CHRNA2: variants seen among roughly 807,000 people sequenced by gnomAD.
The protein encoded by CHRNA2 is neuronal acetylcholine receptor subunit alpha-2.
A neutral mutation model predicts 45.5 loss-of-function variants in CHRNA2; 40 were observed. That is an observed-to-expected ratio of 0.88 (90% CI 0.68 to 1.15). The LOEUF is 1.15. Among genes scored for constraint, CHRNA2 ranks in the 50% most tolerant of loss-of-function variants. The probability of loss-of-function intolerance (pLI) is 0.00; values close to 1 mark genes in which losing one functional copy is unlikely to be tolerated. For missense variants in CHRNA2, 655 were observed against 701.7 expected, an observed-to-expected ratio of 0.93 and a Z score of 0.75; for synonymous variants, 301 against 296.7, an observed-to-expected ratio of 1.01 and a Z score of -0.15.
chr8:27,476,216 A>G (rs1563327020), intron 1 of CHRNA2, among the ~76,000 whole-genome samples: 1 of 152,212 alleles, frequency 6.6e-6, no homozygotes, highest in Non-Finnish European at 1.5e-5. Context: ...AGGAACAGGG[A>G]ACTGAGTGAG....
In CHRNA2 at chr8:27,471,004, G is replaced by A. The variant is rs1469021939; in HGVS notation, c.55C>T (p.Leu19Phe). The stretch of plus-strand genomic sequence containing the variant: ...CACTCACCTGCTGGGGTCAGAAGGA[G>A]CCACCACAGGCTGAGCTTTGTGAAG... ...LSFTKLSLWWLLLTPAGGEEA... is the reference protein window; with the variant it reads ...LSFTKLSLWWFLLTPAGGEEA... Residue 19 changes from leucine (L) to phenylalanine (F), a missense_variant, in exon 2 of 7, where the codon CTC (leucine) becomes TTC (phenylalanine). Around this residue, in one of 3 missense-constraint regions of CHRNA2, gnomAD observed 323 missense variants for 354.4 expected, o/e 0.91. Transcript: ENST00000407991. 4 of 1,614,118 alleles carry A rather than the reference G, an allele frequency of 2.5e-6. No individual in the cohort carries two copies. In the South Asian group the frequency reaches 4.4e-5, roughly 18 times the overall value.
intron 1 of CHRNA2, among the ~76,000 whole-genome samples, chr8:27,473,728 G>A (rs1305351931): frequency 6.6e-6 from 1 of 151,832 alleles, no homozygotes; most frequent in East Asian, 1.9e-4. Context: ...AAAAATAAAA[G>A]TAAACCACCG....
At chr8:27,474,229 A>G (rs573583638) in intron 1 of CHRNA2, among the ~76,000 whole-genome samples, 7 of 152,122 alleles carry the variant, frequency 4.6e-5, no homozygotes, top group Non-Finnish European at 8.8e-5. Context: ...TTTGATGTGA[A>G]TTTCAATGTG....
At chr8:27,468,039 A>G (rs1345238083) in intron 4 of CHRNA2, among the ~76,000 whole-genome samples, 1 of 152,158 alleles carries the variant, frequency 6.6e-6, no homozygotes, top group Non-Finnish European at 1.5e-5. Context: ...AGGCACCCAC[A>G]CCAAATTGTG....
In CHRNA2 at chr8:27,479,045, A is replaced by G. The variant is rs1586410695; in HGVS notation, c.-358T>C. The G allele has an allele frequency of 6.6e-6, 1 of 152,314 alleles. No homozygotes were observed. The highest frequency in any genetic ancestry group is 1.5e-5 in the Non-Finnish European group (1 of 68,098). The allele number at this position is 152,314 out of a possible 1,614,324, so 9.4% of individuals were successfully genotyped here. A position where few individuals can be genotyped will look rare whatever the true frequency, so the allele number is the denominator to read the frequency against. On this transcript the variant is annotated 5_prime_UTR_variant, in exon 1 of 7. Coordinates refer to ENST00000407991, the MANE Select transcript of CHRNA2 (RefSeq NM_000742.4). ...ATGAGAGGCATTTGGCTTCCCGGGGACAGCTGGGCAAGCTCTGCAGAGAGG... is the reference window on the plus strand; with the variant it reads ...ATGAGAGGCATTTGGCTTCCCGGGGGCAGCTGGGCAAGCTCTGCAGAGAGG...
chr8:27,468,566 C>T (rs926600349), intron 4 of CHRNA2, among the ~76,000 whole-genome samples: 1 of 152,204 alleles, frequency 6.6e-6, no homozygotes, highest in African/African-American at 2.4e-5. Context: ...ATCCCTGAAC[C>T]ACCAGGCAGG....
In CHRNA2 at chr8:27,463,853, C is replaced by A. The variant is rs796052299; in HGVS notation, c.590G>T (p.Cys197Phe). ...VTFFPFDQQN[C>F]KMKFGSWTYD... ...AGTCCAGGAGCCAAACTTCATCTTG[C>A]AGTTCTGCTGGTCGAAGGGGAAGAA... The change falls in exon 6 of 7, where the codon TGC becomes TTC. Residue 197 changes from cysteine to phenylalanine, a missense_variant. By Grantham distance (205) the Cys-to-Phe change is radical (BLOSUM62 -2). Around this residue, in one of 3 missense-constraint regions of CHRNA2, gnomAD observed 323 missense variants for 354.4 expected, o/e 0.91. Transcript: ENST00000407991. This position sits in a 1 kb window ranked among gnomAD's most constrained non-coding sequence, Gnocchi z 6.1. The A allele has an allele frequency of 1.5e-5, 25 of 1,614,074 alleles. No individual in the cohort carries two copies. The highest frequency in any genetic ancestry group is 2.1e-5 in the Non-Finnish European group (25 of 1,180,046).
intron 1 of CHRNA2, among the ~76,000 whole-genome samples, chr8:27,476,828 T>A (rs1012222330): frequency 6.6e-6 from 1 of 152,198 alleles, no homozygotes; most frequent in Non-Finnish European, 1.5e-5. Context: ...GGAACGAGGA[T>A]TTCAGAATCC....
chr8:27,471,732 G>A (rs1812890336), intron 1 of CHRNA2, among the ~76,000 whole-genome samples: 1 of 152,236 alleles, frequency 6.6e-6, no homozygotes, highest in African/African-American at 2.4e-5. Flanking sequence ...GTGGCAAAAA[G>A]CCACATACTG....
In CHRNA2 at chr8:27,461,155, C is replaced by T. The variant is rs1212857797; in HGVS notation, c.*474G>A. 1.6e-5 allele frequency: 3 copies of T among 187,442 alleles called. No homozygotes were observed. Among genetic ancestry groups the T allele is most frequent in the Non-Finnish European group, 3.4e-5 (3 of 88,114 alleles). 11.6% of individuals were successfully genotyped at this position (187,442 alleles called of 1,614,324 possible). Reference sequence around the variant, plus strand: ...CTGGCTCTCCAACCTCCCACCTCACCTGGCTGTTCTCCCTGGCACTTTGGG... The same window carrying T: ...CTGGCTCTCCAACCTCCCACCTCACTTGGCTGTTCTCCCTGGCACTTTGGG... On this transcript the variant is annotated 3_prime_UTR_variant, in exon 7 of 7. Transcript: ENST00000407991.
Position 27,470,993 on chromosome 8 carries a change from G to T in CHRNA2, c.66C>A (p.Thr22=), listed in dbSNP as rs1280685189. 6.2e-7 allele frequency: 1 copy of T among 1,614,048 alleles called. No individual in the cohort carries two copies. Among genetic ancestry groups the T allele is most frequent in the Non-Finnish European group, 8.5e-7 (1 of 1,179,918 alleles). ...CAGGTGACAAACACTCACCTGCTGG[G>T]GTCAGAAGGAGCCACCACAGGCTGA... ...TKLSLWWLLL[T]PAGGEEAKRP... Residue 22 remains threonine, a synonymous_variant, in exon 2 of 7, where the codon ACC becomes ACA. Transcript: ENST00000407991.
Position 27,470,916 on chromosome 8 carries a change from C to T in CHRNA2, c.73+70G>A, listed in dbSNP as rs1012534510. 32 of 1,521,478 alleles carry T rather than the reference C, an allele frequency of 2.1e-5. 1 individual carries two copies. The South Asian group carries it at 3.4e-4, about 16-fold the overall frequency. 94.2% of individuals were successfully genotyped at this position (1,521,478 alleles called of 1,614,324 possible). ...CGGTTGCAACACATCCACCTGCAGACTCCTTCCTACAATTTGTGAGCCCAC... is the reference window on the plus strand; with the variant it reads ...CGGTTGCAACACATCCACCTGCAGATTCCTTCCTACAATTTGTGAGCCCAC... On this transcript the variant is annotated intron_variant, in intron 2 of 6. Coordinates refer to ENST00000407991, the MANE Select transcript of CHRNA2 (RefSeq NM_000742.4).
At chr8:27,475,697 T>C (rs1813040276) in intron 1 of CHRNA2, among the ~76,000 whole-genome samples, 1 of 152,232 alleles carries the variant, frequency 6.6e-6, no homozygotes, top group Admixed American at 6.5e-5. Context: ...TACATTATTA[T>C]GGTAAATTAT....
rs766434161 is a variant in CHRNA2 at position 27,469,777 on chromosome 8, G to C, written c.278C>G (p.Ala93Gly). Residue 93 changes from alanine to glycine, a missense_variant, in exon 3 of 7, where the codon GCT (alanine) becomes GGT (glycine). Physicochemically the swap from Ala to Gly is moderately conservative, Grantham distance 60. Around this residue, in one of 3 missense-constraint regions of CHRNA2, gnomAD observed 323 missense variants for 354.4 expected, o/e 0.91. Transcript: ENST00000407991. ...VVIVRFGLSI[A>G]QLIDVDEKNQ... ...CAGGCGCACCACATCGATGAGCTGA[G>C]CGATGGACAGTCCAAAGCGCACAAT... The C allele has an allele frequency of 6.2e-7, 1 of 1,614,194 alleles. No homozygotes were observed. Among genetic ancestry groups the C allele is most frequent in the Non-Finnish European group, 8.5e-7 (1 of 1,180,036 alleles).
chr8:27,470,214 G>C (rs546442147), intron 2 of CHRNA2, among the ~76,000 whole-genome samples: 1 of 152,322 alleles, frequency 6.6e-6, no homozygotes, highest in South Asian at 2.1e-4. Context: ...GTGGCGAGGG[G>C]CAGGGGCAGA....
At chr8:27,467,596 T>C in intron 4 of CHRNA2, 2 of 465,464 alleles carry the variant, frequency 4.3e-6, no homozygotes, top group South Asian at 5.1e-5. Context: ...CTGCCTCTAG[T>C]CCTCGCTCTG....
intron 1 of CHRNA2, among the ~76,000 whole-genome samples, chr8:27,477,001 A>G (rs1813080624): frequency 6.6e-6 from 1 of 152,154 alleles, no homozygotes; most frequent in Admixed American, 6.5e-5. Flanking sequence ...TAAGTAAAAA[A>G]AAAAAAAAAC....
chr8:27,463,942 G>A lies in CHRNA2; in HGVS notation c.501C>T (p.Ser167=), dbSNP rs1175097272. ...VTHMTKAHLF[S]TGTVHWVPPA... ...GGGGCACCCAGTGCACAGTGCCCGT[G>A]GAGAAGAGGTGGGCCTTGGTCATGT... The change falls in exon 6 of 7, where the codon TCC becomes TCT. Residue 167 remains serine, a synonymous_variant. Coordinates refer to ENST00000407991, the MANE Select transcript of CHRNA2 (RefSeq NM_000742.4). The surrounding 1 kb of genome is among the most constrained non-coding windows in gnomAD (Gnocchi z 6.1). The A allele has an allele frequency of 6.2e-7, 1 of 1,614,220 alleles. No homozygotes were observed. Among genetic ancestry groups the A allele is most frequent in the Non-Finnish European group, 8.5e-7 (1 of 1,180,038 alleles).
intron 1 of CHRNA2, among the ~76,000 whole-genome samples, chr8:27,472,883 T>C (rs891023949): frequency 6.6e-6 from 1 of 152,166 alleles, no homozygotes; most frequent in African/African-American, 2.4e-5. Context: ...CTACCCCTCT[T>C]GACTGTGGTG....
Sources: gnomAD v4.1 joint callset for allele counts (sites outside exome capture counted in the v4.1 genomes callset) on GRCh38, gnomAD v4.1.1 for gene constraint, gnomAD v4.1.1 regional missense constraint, Gnocchi (gnomAD v3.1) non-coding constraint, MANE v1.5 for transcripts, NCBI Gene and HGNC (gene_info 2026-07-23, HGNC 2026-07-21) for gene names.